Variants in ALDH1A2 observed in about 807,000 individuals in gnomAD.
The protein encoded by ALDH1A2 is retinal dehydrogenase 2.
A neutral mutation model predicts 60.3 loss-of-function variants in ALDH1A2; 27 were observed. That is an observed-to-expected ratio of 0.45 (90% CI 0.33 to 0.62). The LOEUF is 0.62. ALDH1A2 is among the 20% of genes least tolerant of loss of function. The pLI is 0.02. For missense variants in ALDH1A2, 581 were observed against 643.8 expected, an observed-to-expected ratio of 0.90 and a Z score of 1.06; for synonymous variants, 289 against 232.4, an observed-to-expected ratio of 1.24 and a Z score of -2.21.
intron 1 of ALDH1A2, among the ~76,000 whole-genome samples, chr15:58,064,627 T>C (rs1312165167): frequency 6.6e-6 from 1 of 152,182 alleles, no homozygotes; most frequent in African/African-American, 2.4e-5. Flanking sequence ...ACCAGAGAAC[T>C]ACAAAATGAA....
intron 1 of ALDH1A2, among the ~76,000 whole-genome samples, chr15:58,051,290 TAG>T (rs1229612507): frequency 1.3e-5 from 2 of 152,180 alleles, no homozygotes; most frequent in Non-Finnish European, 2.9e-5. Context: ...GCATAATTTA[TAG>T]AGTTCATTTT....
At position 58,022,208 on chromosome 15, in the gene ALDH1A2, C is replaced by T. The variant is rs577745487; in HGVS notation, c.118-7927G>A. ...CTGGCCTCACTTTGTTCCCCATTCC[C>T]GAGACAGAGCACATAGATTGAGGTC... On this transcript the variant is annotated intron_variant, in intron 1 of 12. Transcript: ENST00000249750. Among the ~76,000 whole-genome samples, 689 of 152,272 alleles carry T rather than the reference C, an allele frequency of 4.5e-3. 2 individuals are homozygous for T. Among genetic ancestry groups the T allele is most frequent in the Non-Finnish European group, 7.5e-3 (510 of 68,022 alleles).
chr15:58,000,634 A>T (rs1566944118), intron 4 of ALDH1A2, among the ~76,000 whole-genome samples: 2 of 151,976 alleles, frequency 1.3e-5, no homozygotes, highest in Non-Finnish European at 2.9e-5. Context: ...TAAAATTAAA[A>T]AAGTTTACTT....
chr15:58,063,742 G>A (rs1897100567), intron 1 of ALDH1A2, among the ~76,000 whole-genome samples: 1 of 152,090 alleles, frequency 6.6e-6, no homozygotes, highest in East Asian at 1.9e-4. Flanking sequence ...CAAAAATAAG[G>A]TACCTCCTCC....
At chr15:58,037,853 C>T (rs774912820) in intron 1 of ALDH1A2, among the ~76,000 whole-genome samples, 2 of 151,672 alleles carry the variant, frequency 1.3e-5, no homozygotes, top group African/African-American at 4.8e-5. Flanking sequence ...TCCACCTAGA[C>T]AATGTATAAA....
intron 1 of ALDH1A2, among the ~76,000 whole-genome samples, chr15:58,061,623 AAAAC>A: frequency 6.7e-6 from 1 of 150,246 alleles, no homozygotes. Flanking sequence ...AAAAAAAAAA[AAAAC>A]GGAACAAAAC....
At chr15:58,023,293 A>G (rs1417227675) in intron 1 of ALDH1A2, among the ~76,000 whole-genome samples, 1 of 152,232 alleles carries the variant, frequency 6.6e-6, no homozygotes, top group Non-Finnish European at 1.5e-5. Flanking sequence ...AAGAACAGAG[A>G]ATTTAAAGAA....
chr15:57,983,415 C>T (rs1431285029), intron 7 of ALDH1A2, among the ~76,000 whole-genome samples: 4 of 152,130 alleles, frequency 2.6e-5, no homozygotes, highest in African/African-American at 9.7e-5. Context: ...AACTACAGTT[C>T]CATTTTCTCC....
At chr15:58,018,227 C>T (rs550667963) in intron 1 of ALDH1A2, among the ~76,000 whole-genome samples, 2 of 151,946 alleles carry the variant, frequency 1.3e-5, no homozygotes, top group African/African-American at 4.8e-5. Flanking sequence ...GAAGAGGCTA[C>T]CAATGGACAA....
intron 1 of ALDH1A2, among the ~76,000 whole-genome samples, chr15:58,043,451 C>T (rs1896566191): frequency 1.3e-5 from 2 of 151,964 alleles, no homozygotes; most frequent in Non-Finnish European, 2.9e-5. Context: ...TCTGTGATAA[C>T]ATAGGTTTGA....
intron 1 of ALDH1A2, among the ~76,000 whole-genome samples, chr15:58,061,612 A>AC (rs1414774157): frequency 7.0e-5 from 9 of 128,414 alleles, no homozygotes; most frequent in South Asian, 2.4e-4. Context: ...AAAAAAAACA[A>AC]AAAAAAAAAA....
chr15:58,007,401 G>A (rs61999891), intron 4 of ALDH1A2, among the ~76,000 whole-genome samples: 17,074 of 151,756 alleles, frequency 0.11, 1,076 homozygotes, highest in East Asian at 0.24. Context: ...ACTTCATCAG[G>A]GCCACCTTCC....
chr15:57,958,952 A>G (rs1242508425), intron 12 of ALDH1A2, among the ~76,000 whole-genome samples: 2 of 152,170 alleles, frequency 1.3e-5, no homozygotes, highest in Non-Finnish European at 2.9e-5. Flanking sequence ...AGTAGAGAGA[A>G]ATGGTTCTTC....
At chr15:58,059,905 G>GT (rs1347177614) in intron 1 of ALDH1A2, among the ~76,000 whole-genome samples, 1 of 152,002 alleles carries the variant, frequency 6.6e-6, no homozygotes, top group African/African-American at 2.4e-5. Flanking sequence ...AAACAGACCG[G>GT]TTTTATAAAA....
intron 4 of ALDH1A2, among the ~76,000 whole-genome samples, chr15:58,004,426 A>C (rs1473562814): frequency 6.6e-6 from 1 of 151,770 alleles, no homozygotes; most frequent in African/African-American, 2.4e-5. Flanking sequence ...CATCACCAGA[A>C]TAGTCAACGT....
intron 7 of ALDH1A2, among the ~76,000 whole-genome samples, chr15:57,974,753 TAAAAGA>T (rs1357368925): frequency 6.6e-6 from 1 of 152,172 alleles, no homozygotes; most frequent in African/African-American, 2.4e-5. Flanking sequence ...GCCTGATCTA[TAAAAGA>T]AAATGTTAAT....
chr15:58,020,496 T>C (rs1335269481), intron 1 of ALDH1A2, among the ~76,000 whole-genome samples: 1 of 152,086 alleles, frequency 6.6e-6, no homozygotes. Context: ...ATTTAATAGA[T>C]GTGGTAAAAA....
intron 1 of ALDH1A2, chr15:58,014,507 G>T (rs1257278658): frequency 1.7e-6 from 1 of 585,378 alleles, no homozygotes; most frequent in Admixed American, 2.2e-5. Context: ...TACCTTTCAT[G>T]AACCTGTCAA....
At chr15:58,055,437 T>A (rs1246828118) in intron 1 of ALDH1A2, among the ~76,000 whole-genome samples, 2 of 152,014 alleles carry the variant, frequency 1.3e-5, no homozygotes, top group Non-Finnish European at 2.9e-5. Flanking sequence ...AACACCATGA[T>A]AAATAAGAGT....
Sources: gnomAD v4.1 joint callset for allele counts (sites outside exome capture counted in the v4.1 genomes callset) on GRCh38, gnomAD v4.1.1 for gene constraint, MANE v1.5 for transcripts, NCBI Gene and HGNC (gene_info 2026-07-23, HGNC 2026-07-21) for gene names.